The following CDC14A variants were observed in gnomAD, a reference collection of about 807,000 sequenced individuals.
CDC14A encodes cell division cycle 14A, also known as dual specificity protein phosphatase CDC14A.
Under a neutral mutation model 74.4 loss-of-function variants are expected in CDC14A, and 53 were observed. The ratio of observed to expected loss-of-function variants is 0.71; its 90% confidence interval spans 0.57 to 0.89. The LOEUF is 0.89. Among genes scored for constraint, CDC14A ranks in the 40% least tolerant of loss-of-function variants. The pLI is 0.00. For missense variants in CDC14A, 646 were observed against 713.7 expected, an observed-to-expected ratio of 0.91 and a Z score of 1.08; for synonymous variants, 247 against 258.4, an observed-to-expected ratio of 0.96 and a Z score of 0.43.
chr1:100,361,109 AAAACAAC>A (rs978150680), intron 2 of CDC14A, among the ~76,000 whole-genome samples: 5 of 152,026 alleles, frequency 3.3e-5, no homozygotes, highest in African/African-American at 1.2e-4. Context: ...TAAAAAAAAA[AAAACAAC>A]AAAAAACAAA....
chr1:100,353,388 T>C (rs1035003661), intron 1 of CDC14A, among the ~76,000 whole-genome samples: 69 of 152,188 alleles, frequency 4.5e-4, no homozygotes, highest in African/African-American at 1.6e-3. Context: ...CCTTCCTCTT[T>C]TTCAAATCTC....
At chr1:100,493,179 G>T (rs1389162515) in intron 11 of CDC14A, among the ~76,000 whole-genome samples, 2 of 152,188 alleles carry the variant, frequency 1.3e-5, no homozygotes, top group Non-Finnish European at 2.9e-5. Context: ...GATCCTCCTA[G>T]TTGGAGGAAC....
chr1:100,398,512 G>A (rs1359656124), intron 4 of CDC14A, among the ~76,000 whole-genome samples: 1 of 152,114 alleles, frequency 6.6e-6, no homozygotes, highest in Admixed American at 6.5e-5. Context: ...GGAATATTTT[G>A]TTTAAACCAA....
intron 11 of CDC14A, 107 bp from the exon 12 acceptor site, chr1:100,494,711 T>A (rs1647517341): frequency 1.8e-6 from 1 of 571,342 alleles, no homozygotes; most frequent in Admixed American, 3.3e-5. Context: ...AGTGACTTAA[T>A]CTATATTAAG....
intron 4 of CDC14A, chr1:100,423,623 A>T (rs937054955): frequency 6.5e-5 from 10 of 153,486 alleles, no homozygotes. Flanking sequence ...TGTCTTTAAG[A>T]TTAGTTCATC....
chr1:100,394,000 T>A, intron 4 of CDC14A: 1 of 262,106 alleles, frequency 3.8e-6, no homozygotes, highest in South Asian at 4.1e-5. Flanking sequence ...CCTCAACCTC[T>A]CCAGCCACCA....
intron 10 of CDC14A, among the ~76,000 whole-genome samples, chr1:100,472,339 A>T (rs1284705313): frequency 6.6e-6 from 1 of 152,156 alleles, no homozygotes; most frequent in Non-Finnish European, 1.5e-5. Context: ...CAAAGTAGAT[A>T]TGCCTGTTTA....
At chr1:100,374,492 G>A (rs1252375035) in intron 2 of CDC14A, among the ~76,000 whole-genome samples, 12 of 152,106 alleles carry the variant, frequency 7.9e-5, no homozygotes, top group South Asian at 2.1e-4. Context: ...TTTAATGATC[G>A]CCATTCTAAC....
At chr1:100,350,522 T>G (rs571449902), upstream of CDC14A, among the ~76,000 whole-genome samples, 1 of 152,388 alleles carries the variant, frequency 6.6e-6, no homozygotes, top group East Asian at 1.9e-4. Context: ...TCATTCCTCA[T>G]GATCACAATT....
At chr1:100,393,629 A>G (rs1658027347) in intron 4 of CDC14A, 1 of 640,512 alleles carries the variant, frequency 1.6e-6, no homozygotes, top group South Asian at 1.5e-5. Flanking sequence ...CCTGCACACC[A>G]GAGGCTTCAT....
chr1:100,432,229 T>C (rs1231904603), intron 5 of CDC14A, among the ~76,000 whole-genome samples: 2 of 152,202 alleles, frequency 1.3e-5, no homozygotes, highest in African/African-American at 4.8e-5. Flanking sequence ...CAGTTTCGTC[T>C]TGTAGGTCTC....
chr1:100,365,622 A>G (rs1344082098), intron 2 of CDC14A, among the ~76,000 whole-genome samples: 1 of 152,198 alleles, frequency 6.6e-6, no homozygotes, highest in Non-Finnish European at 1.5e-5. Context: ...TTAGTTCTGC[A>G]TCAGACTGCT....
At chr1:100,491,932 C>T (rs944601423) in intron 11 of CDC14A, among the ~76,000 whole-genome samples, 6 of 150,842 alleles carry the variant, frequency 4.0e-5, no homozygotes, top group Non-Finnish European at 5.9e-5. Flanking sequence ...CGCAGCCACC[C>T]GAGAGGAGCT....
chr1:100,493,135 G>T (rs1647238514), intron 11 of CDC14A, among the ~76,000 whole-genome samples: 1 of 152,138 alleles, frequency 6.6e-6, no homozygotes, highest in Non-Finnish European at 1.5e-5. Flanking sequence ...TTTATATTTA[G>T]AATTTTGAAG....
At chr1:100,374,451 A>G (rs1654947911) in intron 2 of CDC14A, among the ~76,000 whole-genome samples, 2 of 152,204 alleles carry the variant, frequency 1.3e-5, no homozygotes, top group South Asian at 2.1e-4. Context: ...GTTTCTCTAC[A>G]TCCTCTCCAG....
intron 9 of CDC14A, among the ~76,000 whole-genome samples, chr1:100,466,042 G>A (rs541728760): frequency 2.1e-4 from 32 of 152,308 alleles, no homozygotes; most frequent in African/African-American, 6.7e-4. Context: ...TGCTAAGTGC[G>A]TTCTTTTTAT....
chr1:100,497,429 A>T (rs1304552916), intron 13 of CDC14A, among the ~76,000 whole-genome samples: 1 of 152,258 alleles, frequency 6.6e-6, no homozygotes, highest in Non-Finnish European at 1.5e-5. Flanking sequence ...GAGGGGCTGC[A>T]TATGCCAAGC....
intron 2 of CDC14A, chr1:100,363,292 C>T (rs1653049447): frequency 6.6e-6 from 1 of 152,178 alleles, no homozygotes; most frequent in Admixed American, 6.5e-5. Context: ...TGCTTGTTTA[C>T]GTGTGCAGCT....
intron 4 of CDC14A, among the ~76,000 whole-genome samples, chr1:100,406,761 A>G (rs772141594): frequency 5.9e-5 from 9 of 152,062 alleles, no homozygotes; most frequent in African/African-American, 1.2e-4. Flanking sequence ...CGTCTCTACT[A>G]AAAATACAAA....
Sources: allele counts gnomAD v4.1 joint callset (sites outside exome capture counted in the v4.1 genomes callset), GRCh38; gene constraint gnomAD v4.1.1; transcripts MANE v1.5; gene names NCBI Gene and HGNC (gene_info 2026-07-23, HGNC 2026-07-21).